The following MEGF6 variants were observed in gnomAD, a reference collection of about 807,000 sequenced individuals.
MEGF6 encodes multiple epidermal growth factor-like domains protein 6.
A neutral mutation model predicts 207.1 loss-of-function variants in MEGF6; 184 were observed. The ratio of observed to expected loss-of-function variants is 0.89; its 90% CI spans 0.79 to 1.00. The LOEUF is 1.00. MEGF6 is among the 50% of genes least tolerant of loss of function. MEGF6 has a pLI of 0.00. For missense variants in MEGF6, 2,282 were observed against 2,202.9 expected, an observed-to-expected ratio of 1.04 and a Z score of -0.72; for synonymous variants, 1,038 against 910.0, an observed-to-expected ratio of 1.14 and a Z score of -2.53.
chr1:3,504,776 G>A (rs941296285), intron 17 of MEGF6, among the ~76,000 whole-genome samples: 4 of 152,132 alleles, frequency 2.6e-5, no homozygotes, highest in Admixed American at 6.5e-5. Flanking sequence ...ACCCCAGGCC[G>A]GCACTGCACC....
intron 4 of MEGF6, among the ~76,000 whole-genome samples, chr1:3,552,660 G>C (rs1012769412): frequency 2.0e-5 from 3 of 152,182 alleles, no homozygotes; most frequent in Non-Finnish European, 4.4e-5. Context: ...GTCACACCAC[G>C]GCACTCCAGC....
upstream of MEGF6, among the ~76,000 whole-genome samples, chr1:3,612,017 G>A (rs1053316492): frequency 3.3e-5 from 5 of 152,126 alleles, no homozygotes; most frequent in African/African-American, 1.2e-4. Context: ...TGTCCTGCCC[G>A]TGGACGCTCC....
chr1:3,593,720 A>G (rs1030309853), intron 3 of MEGF6, among the ~76,000 whole-genome samples: 1 of 151,838 alleles, frequency 6.6e-6, no homozygotes, highest in Non-Finnish European at 1.5e-5. Context: ...TCCCCACTAA[A>G]AAGACCCCTT....
intron 4 of MEGF6, among the ~76,000 whole-genome samples, chr1:3,542,008 G>A (rs1035893923): frequency 3.0e-4 from 46 of 152,342 alleles, no homozygotes; most frequent in Middle Eastern, 3.4e-3. Context: ...AGCCGGGTCC[G>A]GCACCGAGAA....
intron 4 of MEGF6, among the ~76,000 whole-genome samples, chr1:3,564,599 C>A (rs1386878014): frequency 4.6e-5 from 7 of 152,152 alleles, no homozygotes; most frequent in South Asian, 2.1e-4. Flanking sequence ...CCAGCCCTGG[C>A]AAGAACCACC....
intron 6 of MEGF6, 59 bp from the exon 7 acceptor site, chr1:3,514,731 G>A (rs1056702521): frequency 1.7e-5 from 26 of 1,489,662 alleles, no homozygotes; most frequent in Admixed American, 8.4e-5. Context: ...GCTGCAGGGC[G>A]CCTGCCCCCA....
chr1:3,535,203 C>T (rs1642288963), intron 4 of MEGF6, among the ~76,000 whole-genome samples: 1 of 152,134 alleles, frequency 6.6e-6, no homozygotes, highest in Admixed American at 6.5e-5. Context: ...CCGTGGGATC[C>T]AGGCAGAGGA....
At chr1:3,508,877 C>T (rs1237993858) in intron 12 of MEGF6, among the ~76,000 whole-genome samples, 188 bp from the exon 13 acceptor site, 3 of 152,154 alleles carry the variant, frequency 2.0e-5, no homozygotes, top group Non-Finnish European at 4.4e-5. Flanking sequence ...AGCTGTGAGC[C>T]CGGTCCCGCC....
intron 7 of MEGF6, 152 bp downstream of exon 7, chr1:3,514,398 G>T: frequency 1.0e-6 from 1 of 999,046 alleles, no homozygotes; most frequent in Non-Finnish European, 1.4e-6. Flanking sequence ...AGGGAGATGA[G>T]ACCGCCACAT....
chr1:3,540,194 T>C (rs1268708701), intron 4 of MEGF6, among the ~76,000 whole-genome samples: 1 of 152,242 alleles, frequency 6.6e-6, no homozygotes, highest in Non-Finnish European at 1.5e-5. Context: ...TTTTCCCGGC[T>C]TGGCCTTAAC....
intron 25 of MEGF6, 53 bp from the exon 26 acceptor site, chr1:3,498,552 G>T: frequency 6.6e-7 from 1 of 1,512,934 alleles, no homozygotes. Context: ...CTGGGCCCAG[G>T]AGACCCTGAC....
chr1:3,507,967 G>A (rs551320122), intron 13 of MEGF6, 44 bp from the exon 14 acceptor site: 107 of 1,587,230 alleles, frequency 6.7e-5, no homozygotes, highest in Non-Finnish European at 8.5e-5. Context: ...CAGCCAGCAC[G>A]ACACTCTGAG....
upstream of MEGF6, among the ~76,000 whole-genome samples, chr1:3,614,175 C>T (rs150361182): frequency 9.6e-4 from 146 of 152,314 alleles, no homozygotes; most frequent in African/African-American, 3.4e-3. Flanking sequence ...GCACAGCAGG[C>T]AGCTCACTTC....
chr1:3,494,289 C>A, intron 32 of MEGF6, 82 bp downstream of exon 32: 1 of 1,485,020 alleles, frequency 6.7e-7, no homozygotes, highest in Admixed American at 2.2e-5. Context: ...CACCACTTCA[C>A]TGCTGCCTGG....
intron 5 of MEGF6, among the ~76,000 whole-genome samples, chr1:3,520,742 C>G (rs1641717238): frequency 1.3e-5 from 2 of 152,166 alleles, no homozygotes; most frequent in Admixed American, 1.3e-4. Flanking sequence ...AGAGGGGAAC[C>G]CTTTTGGTGT....
intron 4 of MEGF6, among the ~76,000 whole-genome samples, chr1:3,554,781 C>T (rs971002650): frequency 1.3e-5 from 2 of 152,206 alleles, no homozygotes; most frequent in African/African-American, 4.8e-5. Flanking sequence ...AACCCAGGGC[C>T]ACCTTCCCAT....
rs1310077424 is a variant in MEGF6, at chr1:3,512,040, G to A, written c.942C>T (p.Gly314=). 3.7e-6 allele frequency: 6 copies of A among 1,612,676 alleles called. No homozygotes were observed. Among genetic ancestry groups the A allele is most frequent in the Non-Finnish European group, 2.5e-6 (3 of 1,179,964 alleles). ...QGSFKCVCHA[G]YELGADGRQC... ...GCCGGCCATCGGCGCCCAGCTCATA[G>A]CCCGCGTGACACACGCACTTGAAGG... is the stretch of plus-strand genomic sequence containing the variant. Residue 314 remains glycine, a synonymous_variant, in exon 8 of 37, where the codon GGC becomes GGT. Coordinates refer to ENST00000356575, the MANE Select transcript of MEGF6 (RefSeq NM_001409.4).
chr1:3,529,288 A>T (rs1381542733), intron 4 of MEGF6, among the ~76,000 whole-genome samples: 2 of 152,158 alleles, frequency 1.3e-5, no homozygotes, highest in African/African-American at 4.8e-5. Context: ...GCCCCAGCAA[A>T]GGCCGAAAGG....
At chr1:3,574,029 T>G (rs891498919) in intron 4 of MEGF6, among the ~76,000 whole-genome samples, 46 of 152,008 alleles carry the variant, frequency 3.0e-4, no homozygotes, top group African/African-American at 1.1e-3. Flanking sequence ...CAGAGCCACC[T>G]CCAGCCCACA....
Sources: gnomAD v4.1 joint callset for allele counts (sites outside exome capture counted in the v4.1 genomes callset) on GRCh38, gnomAD v4.1.1 for gene constraint, MANE v1.5 for transcripts, NCBI Gene and HGNC (gene_info 2026-07-23, HGNC 2026-07-21) for gene names.